PCGF3: variants seen among roughly 807,000 people sequenced by gnomAD.
The protein encoded by PCGF3 is polycomb group ring finger 3, also known as polycomb group RING finger protein 3.
In PCGF3, 7 loss-of-function variants were observed where a neutral mutation model predicts 33.1. The observed-to-expected ratio is 0.21, with a 90% CI of 0.12 to 0.40. PCGF3 has a LOEUF of 0.40. Among genes scored for constraint, PCGF3 ranks in the 10% least tolerant of loss-of-function variants. PCGF3 has a pLI of 1.00. For synonymous variants in PCGF3, 153 were observed against 121.3 expected, an observed-to-expected ratio of 1.26 and a Z score of -1.72; for missense variants, 211 against 313.3, an observed-to-expected ratio of 0.67 and a Z score of 2.46.
Position 720,351 on chromosome 4 carries a change from G to C in PCGF3, c.-189-10279G>C, listed in dbSNP as rs1423666157. On this transcript the variant is annotated intron_variant, in intron 1 of 10. Transcript: ENST00000362003. The surrounding 1 kb of genome is among the most constrained non-coding windows in gnomAD (Gnocchi z 5.6). ...GCGGGAGGAGCGCCTGTGCATCGCT[G>C]TGGAGGGTGACTGTGCAGGAGGACA... Among the ~76,000 whole-genome samples the C allele has an allele frequency of 6.6e-6, 1 of 152,148 alleles. No homozygotes were observed. The highest frequency in any genetic ancestry group is 1.5e-5 in the Non-Finnish European group (1 of 67,996).
chr4:762,013 C>T (rs1450826210), intron 9 of PCGF3: 1 of 985,172 alleles, frequency 1.0e-6, no homozygotes, highest in African/African-American at 1.7e-5. Flanking sequence ...CAGGAGAGGC[C>T]AGCGCCAGGA....
intron 6 of PCGF3, among the ~76,000 whole-genome samples, 186 bp from the exon 7 acceptor site, chr4:743,288 C>G (rs1019509102): frequency 2.0e-5 from 3 of 152,172 alleles, no homozygotes; most frequent in Non-Finnish European, 4.4e-5. Context: ...GGCGGGTGCC[C>G]GGGGGGTGCG....
chr4:714,764 G>A (rs1023044058), intron 1 of PCGF3, among the ~76,000 whole-genome samples: 1 of 152,242 alleles, frequency 6.6e-6, no homozygotes, highest in African/African-American at 2.4e-5. Context: ...GGAGAAAGCT[G>A]CCCTGGAGGG....
intron 1 of PCGF3, among the ~76,000 whole-genome samples, chr4:706,365 A>ACAGC (rs1560191878): frequency 8.0e-6 from 1 of 124,440 alleles, no homozygotes; most frequent in Admixed American, 8.1e-5. Flanking sequence ...CAGGGAGGGC[A>ACAGC]AGACCCCAGT....
exon 11 of PCGF3, chr4:766,419 G>T: frequency 4.5e-6 from 1 of 221,332 alleles, no homozygotes; most frequent in Non-Finnish European, 8.9e-6. Flanking sequence ...TTGAAAATCT[G>T]AATTCACTTC....
exon 11 of PCGF3, chr4:768,548 G>C (rs1333877272): frequency 1.3e-5 from 2 of 152,012 alleles, no homozygotes; most frequent in African/African-American, 4.8e-5. Context: ...AACAAATGCT[G>C]TTAAATCACC....
chr4:760,513 C>G (rs944344470), intron 8 of PCGF3, among the ~76,000 whole-genome samples: 1 of 152,174 alleles, frequency 6.6e-6, no homozygotes, highest in African/African-American at 2.4e-5. Context: ...CGTCTGTACC[C>G]CTGGTGTCCT....
At chr4:763,515 G>A (rs116407064) in intron 9 of PCGF3, among the ~76,000 whole-genome samples, 2 of 152,338 alleles carry the variant, frequency 1.3e-5, no homozygotes, top group Admixed American at 6.5e-5. Context: ...GGAAACGCAA[G>A]GAAAACTGCG....
intron 1 of PCGF3, among the ~76,000 whole-genome samples, chr4:709,672 ACT>A (rs1278948312): frequency 3.3e-5 from 5 of 152,202 alleles, no homozygotes; most frequent in Admixed American, 6.5e-5. Flanking sequence ...TAACCCTAAA[ACT>A]CTGAGCTATC....
chr4:729,763 G>A (rs535609964), intron 1 of PCGF3, among the ~76,000 whole-genome samples: 6 of 152,318 alleles, frequency 3.9e-5, no homozygotes, highest in Admixed American at 1.3e-4. Flanking sequence ...ATGGGAAACC[G>A]GAAGAGTAGA....
At chr4:750,443 T>C (rs1744461862) in intron 8 of PCGF3, among the ~76,000 whole-genome samples, 1 of 152,162 alleles carries the variant, frequency 6.6e-6, no homozygotes, top group Non-Finnish European at 1.5e-5. Context: ...TGCTGGTTGG[T>C]GTGGTGGGTA....
Position 737,618 on chromosome 4 carries a change from T to C in PCGF3, c.262+97T>C, listed in dbSNP as rs144486425. 5.9e-4 allele frequency: 454 copies of C among 771,566 alleles called. 1 individual carries two copies. The African/African-American group carries it at 6.3e-3, about 11-fold the overall frequency. 47.8% of individuals were successfully genotyped at this position (771,566 alleles called of 1,614,324 possible). On this transcript the variant is annotated intron_variant, in intron 6 of 10. Coordinates refer to ENST00000362003, the Ensembl canonical transcript of PCGF3. ...TTTGGTTCTCGGATGGGAGGCCCCTTTCCTTTTGGCCGAATCACCGTCTTC... is the reference window on the plus strand; with the variant it reads ...TTTGGTTCTCGGATGGGAGGCCCCTCTCCTTTTGGCCGAATCACCGTCTTC...
At chr4:714,128 G>C (rs1018604544) in intron 1 of PCGF3, among the ~76,000 whole-genome samples, 7 of 152,122 alleles carry the variant, frequency 4.6e-5, no homozygotes, top group African/African-American at 1.7e-4. Flanking sequence ...TTGAGGACAC[G>C]AGAGAAGGCA....
At chr4:733,339 C>T (rs1298840006) in intron 3 of PCGF3, among the ~76,000 whole-genome samples, 3 of 152,252 alleles carry the variant, frequency 2.0e-5, no homozygotes, top group Admixed American at 6.5e-5. Context: ...TCACAGAAGA[C>T]AGACAGCTCG....
intron 4 of PCGF3, 168 bp from the exon 5 acceptor site, chr4:734,763 C>T: frequency 7.1e-7 from 1 of 1,404,726 alleles, no homozygotes; most frequent in Admixed American, 3.0e-5. Flanking sequence ...GCTCCTGAGA[C>T]CAGAACGGCA....
chr4:711,437 ATTTTTCTTTTT>A (rs1439795908), intron 1 of PCGF3, among the ~76,000 whole-genome samples: 10 of 134,028 alleles, frequency 7.5e-5, no homozygotes, highest in Admixed American at 2.9e-4. Flanking sequence ...TGAAAATGTA[ATTTTTCTTTTT>A]TTTTTCTTTT....
At chr4:757,723 T>A (rs1424598426) in intron 8 of PCGF3, 1 of 152,222 alleles carries the variant, frequency 6.6e-6, no homozygotes, top group Non-Finnish European at 1.5e-5. Context: ...GCTCTTTTCG[T>A]CAGTTTTTTC....
At position 716,903 on chromosome 4, in the gene PCGF3, C is replaced by T. The variant is rs543126980; in HGVS notation, c.-190+10933C>T. Among the ~76,000 whole-genome samples the T allele has an allele frequency of 2.7e-3, 185 of 69,526 alleles. 8 individuals are homozygous for T. Among genetic ancestry groups the T allele is most frequent in the Admixed American group, 0.026 (142 of 5,366 alleles). 45.6% of individuals were successfully genotyped at this position (69,526 alleles called of 152,430 possible). A position where few individuals can be genotyped will look rare whatever the true frequency, so the allele number is the denominator to read the frequency against. ...CGGTGCTGGGCCCCTGTGGACACTG[C>T]GAGTGTGAGAACTGGGCGTGGGTGC... is the stretch of plus-strand genomic sequence containing the variant. On this transcript the variant is annotated intron_variant, in intron 1 of 10. Coordinates refer to ENST00000362003, the Ensembl canonical transcript of PCGF3.
chr4:711,619 G>A (rs1341327608), intron 1 of PCGF3, among the ~76,000 whole-genome samples: 3 of 148,402 alleles, frequency 2.0e-5, no homozygotes, highest in Admixed American at 1.3e-4. Flanking sequence ...CACCGCGCCC[G>A]GCTAATTTTT....
Sources: gnomAD v4.1 joint callset for allele counts (sites outside exome capture counted in the v4.1 genomes callset) on GRCh38, gnomAD v4.1.1 for gene constraint, Gnocchi (gnomAD v3.1) non-coding constraint, MANE v1.5 for transcripts, NCBI Gene and HGNC (gene_info 2026-07-23, HGNC 2026-07-21) for gene names.